Variants in FES observed in about 807,000 individuals in gnomAD.
FES encodes FES proto-oncogene, tyrosine kinase.
FES carries 83 observed loss-of-function variants against 109.6 expected under a neutral mutation model. That is an observed-to-expected ratio of 0.76 (90% CI 0.63 to 0.91). FES has a LOEUF of 0.91. Among genes scored for constraint, FES ranks in the 40% least tolerant of loss-of-function variants. The pLI, the probability that FES is intolerant of heterozygous loss-of-function variation, is 0.00. For missense variants in FES, 943 were observed against 1,070.9 expected, an observed-to-expected ratio of 0.88 and a Z score of 1.67; for synonymous variants, 458 against 442.1, an observed-to-expected ratio of 1.04 and a Z score of -0.45.
At chr15:90,891,776 C>A in intron 12 of FES, 100 bp downstream of exon 12, 1 of 1,526,912 alleles carries the variant, frequency 6.5e-7, no homozygotes, top group Non-Finnish European at 8.9e-7. Flanking sequence ...TTTCCAGGCC[C>A]TCCGTCTACA....
Position 90,893,375 on chromosome 15 carries a change from C to G in FES, c.2006C>G (p.Ala669Gly). The G allele has an allele frequency of 6.4e-7, 1 of 1,562,166 alleles. No individual in the cohort carries two copies. The highest frequency in any genetic ancestry group is 8.7e-7 in the Non-Finnish European group (1 of 1,154,664). Residue 669 changes from alanine to glycine, a missense_variant, in exon 16 of 19, where the codon GCT becomes GGT. By Grantham distance (60) the Ala-to-Gly change is moderately conservative. Transcript: ENST00000328850. ...CTGCAGATGGTGGGGGATGCAGCTG[C>G]TGGCATGGAGTACCTGGAGAGCAAG... Reference protein sequence around the residue: ...TLLQMVGDAAAGMEYLESKCC... With the variant: ...TLLQMVGDAAGGMEYLESKCC...
rs1306682659 is a variant in FES, at chr15:90,889,848, C to T, written c.935C>T (p.Ser312Leu). ...TVESVQHTLT[S>L]VTDELAVATE... is the part of the protein sequence containing the mutation. ...CCTTCTCTTGGGTGCAGGCTGACCT[C>T]AGTGACAGATGAGCTGGCTGTGGCC... is the stretch of plus-strand genomic sequence containing the variant. Residue 312 changes from serine to leucine, a missense_variant, in exon 8 of 19, where the codon TCA becomes TTA. Ser to Leu is a moderately radical substitution (Grantham distance 145, BLOSUM62 -2). Coordinates refer to ENST00000328850, the MANE Select transcript of FES (RefSeq NM_002005.4). This position sits in a 1 kb window ranked among gnomAD's most constrained non-coding sequence, Gnocchi z 6.1. The T allele has an allele frequency of 1.2e-5, 20 of 1,613,532 alleles. No homozygotes were observed. The highest frequency in any genetic ancestry group is 1.6e-5 in the Non-Finnish European group (19 of 1,179,924).
rs755287763 is a variant in FES at position 90,885,088 on chromosome 15, G to C, written c.43G>C (p.Val15Leu). The change falls in exon 2 of 19, where the codon GTC becomes CTC. Residue 15 changes from valine (V) to leucine (L), a missense_variant. Val to Leu is a conservative substitution (Grantham distance 32). Transcript: ENST00000328850. Reference protein sequence around the residue: ...SELCSPQGHGVLQQMQEAELR... With the variant: ...SELCSPQGHGLLQQMQEAELR... ...GCTGTGCAGCCCCCAGGGCCACGGG[G>C]TCCTGCAGCAAATGCAGGAGGCCGA... The C allele has an allele frequency of 6.2e-7, 1 of 1,613,532 alleles. No individual in the cohort carries two copies. Among genetic ancestry groups the C allele is most frequent in the Non-Finnish European group, 8.5e-7 (1 of 1,179,996 alleles).
rs777383884 is a variant in FES, at chr15:90,887,282, C to T, written c.580C>T (p.Gln194Ter). ...CTATGTGCTGGGCGTGCGGGCTGCG[C>T]AGCTACACCACCAGCACCACCACCA... ...NRYVLGVRAA[Q>*]LHHQHHHQLL... Residue 194 changes from glutamine (Q) to a stop codon, truncating the protein, a stop_gained, in exon 5 of 19, where the codon CAG becomes TAG. Coordinates refer to ENST00000328850, the MANE Select transcript of FES (RefSeq NM_002005.4). LOFTEE classifies it high-confidence loss of function. 3.1e-6 allele frequency: 5 copies of T among 1,613,296 alleles called. No homozygotes were observed. The highest frequency in any genetic ancestry group is 4.2e-6 in the Non-Finnish European group (5 of 1,180,040).
intron 16 of FES, 73 bp from the exon 17 acceptor site, chr15:90,893,581 C>A: frequency 6.6e-7 from 1 of 1,510,202 alleles, no homozygotes; most frequent in Non-Finnish European, 8.9e-7. Flanking sequence ...TTGTCCTTGG[C>A]TTTCCTAGAG....
At chr15:90,892,518 A>C in intron 13 of FES, 189 bp from the exon 14 acceptor site, 1 of 589,754 alleles carries the variant, frequency 1.7e-6, no homozygotes, top group Non-Finnish European at 3.0e-6. Flanking sequence ...GGCACATCGG[A>C]GGCAACTTTC....
At chr15:90,893,527 T>G (rs1238995894) in intron 16 of FES, 113 bp downstream of exon 16, 10 of 1,486,926 alleles carry the variant, frequency 6.7e-6, no homozygotes, top group Non-Finnish European at 9.0e-6. Flanking sequence ...GAGGGGGAGT[T>G]GGCCTCTGTG....
intron 2 of FES, 57 bp downstream of exon 2, chr15:90,885,315 C>G (rs779853463): frequency 4.4e-6 from 7 of 1,601,120 alleles, no homozygotes; most frequent in Non-Finnish European, 6.0e-6. Context: ...TCCTTCCTCT[C>G]CTGGGGGCCC....
chr15:90,893,890 A>G (rs1285617375), intron 17 of FES, 46 bp from the exon 18 acceptor site: 1 of 1,611,576 alleles, frequency 6.2e-7, no homozygotes, highest in East Asian at 2.2e-5. Flanking sequence ...CCCTGGCCCC[A>G]GGGAGGGTGC....
At position 90,887,034 on chromosome 15, in the gene FES, G is replaced by T; in HGVS notation, c.461G>T (p.Arg154Leu). 3 of 1,614,164 alleles carry T rather than the reference G, an allele frequency of 1.9e-6. No homozygotes were observed. The highest frequency in any genetic ancestry group is 2.5e-6 in the Non-Finnish European group (3 of 1,180,034). Residue 154 changes from arginine to leucine, a missense_variant, in exon 4 of 19, where the codon CGC (arginine) becomes CTC (leucine). Transcript: ENST00000328850. ...ALARDSAQAK[R>L]KYQEASKDKD... ...GCACGGGACAGTGCCCAAGCCAAGC[G>T]CAAGTACCAGGAGGCCAGCAAAGGT...
chr15:90,894,566 CAAG>C (rs1460990734), intron 18 of FES, among the ~76,000 whole-genome samples: 1 of 151,916 alleles, frequency 6.6e-6, no homozygotes, highest in Non-Finnish European at 1.5e-5. Flanking sequence ...GCCTGGGCGA[CAAG>C]AGTGAAACTC....
At chr15:90,892,993 C>T (rs553646227) in intron 14 of FES, 107 bp from the exon 15 acceptor site, 43 of 1,389,902 alleles carry the variant, frequency 3.1e-5, no homozygotes, top group African/African-American at 7.1e-5. Context: ...CCAGGTCACA[C>T]GTCCGGGTCT....
chr15:90,892,865 A>G (rs909506372), intron 14 of FES, 40 bp downstream of exon 14: 3 of 1,582,860 alleles, frequency 1.9e-6, no homozygotes, highest in Non-Finnish European at 1.7e-6. Context: ...TCCCGCATAC[A>G]CAGAGGTTAC....
rs1308885476 is a variant in FES, at chr15:90,885,075, C to G, written c.30C>G (p.Pro10=). Residue 10 remains proline, a synonymous_variant, in exon 2 of 19, where the codon CCC becomes CCG. Transcript: ENST00000328850. Reference sequence around the variant, plus strand: ...GCTTCTCTTCCGAGCTGTGCAGCCCCCAGGGCCACGGGGTCCTGCAGCAAA... The same window carrying G: ...GCTTCTCTTCCGAGCTGTGCAGCCCGCAGGGCCACGGGGTCCTGCAGCAAA... MGFSSELCS[P]QGHGVLQQMQ... 3 of 1,612,982 alleles carry G rather than the reference C, an allele frequency of 1.9e-6. No homozygotes were observed. In the African/African-American group the frequency reaches 4.0e-5, roughly 22 times the overall value.
At chr15:90,892,334 C>T (rs2033299279) in intron 13 of FES, 2 of 607,146 alleles carry the variant, frequency 3.3e-6, no homozygotes, top group African/African-American at 1.9e-5. Flanking sequence ...ACCTCATCAC[C>T]CCCACCCAGG....
At position 90,893,676 on chromosome 15, in the gene FES, C is replaced by G; in HGVS notation, c.2068C>G (p.Leu690Val). The change falls in exon 17 of 19, where the codon CTG (leucine) becomes GTG (valine). Residue 690 changes from leucine to valine, a missense_variant. Transcript: ENST00000328850. Reference protein sequence around the residue: ...IHRDLAARNCLVTEKNVLKIS... With the variant: ...IHRDLAARNCVVTEKNVLKIS... Reference sequence around the variant, plus strand: ...CAGGGACCTGGCTGCTCGGAACTGCCTGGTGACAGAGAAGAATGTCCTGAA... The same window carrying G: ...CAGGGACCTGGCTGCTCGGAACTGCGTGGTGACAGAGAAGAATGTCCTGAA... The G allele has an allele frequency of 1.2e-6, 2 of 1,604,672 alleles. No homozygotes were observed. The highest frequency in any genetic ancestry group is 1.7e-6 in the Non-Finnish European group (2 of 1,175,284).
intron 10 of FES, 66 bp from the exon 11 acceptor site, chr15:90,890,916 C>A: frequency 6.8e-7 from 1 of 1,461,282 alleles, no homozygotes; most frequent in Non-Finnish European, 9.2e-7. Context: ...GAGAGACCCC[C>A]GGCTGCCCCC....
chr15:90,884,880 G>A lies in FES; in HGVS notation c.-9-157G>A, dbSNP rs2093878246. 1.5e-5 allele frequency: 10 copies of A among 661,966 alleles called. No individual in the cohort carries two copies. The East Asian group carries it at 2.5e-4, about 17-fold the overall frequency. The allele number at this position is 661,966 out of a possible 1,614,324, so 41.0% of individuals were successfully genotyped here. On this transcript the variant is annotated intron_variant, in intron 1 of 18. Coordinates refer to ENST00000328850, the MANE Select transcript of FES (RefSeq NM_002005.4). ...TGAGGGCCAGTCCCCAGGCCAGGCT[G>A]CTGCTGGGTACCCATGGCTGCGTGT... is the stretch of plus-strand genomic sequence containing the variant.
intron 5 of FES, 84 bp downstream of exon 5, chr15:90,887,454 A>ATTTTCTGGG: frequency 7.2e-7 from 1 of 1,394,960 alleles, no homozygotes; most frequent in Non-Finnish European, 9.6e-7. Flanking sequence ...GACCCAGAAA[A>ATTTTCTGGG]TCCATTGCTG....
Sources: gnomAD v4.1 joint callset for allele counts (sites outside exome capture counted in the v4.1 genomes callset) on GRCh38, gnomAD v4.1.1 for gene constraint, Gnocchi (gnomAD v3.1) non-coding constraint, MANE v1.5 for transcripts, NCBI Gene and HGNC (gene_info 2026-07-23, HGNC 2026-07-21) for gene names.